The following DERL3 variants were observed in gnomAD, a reference collection of about 807,000 sequenced individuals.
DERL3 encodes the protein derlin-3.
A neutral mutation model predicts 23.8 loss-of-function variants in DERL3; 20 were observed. The observed-to-expected ratio is 0.84, with a 90% CI of 0.59 to 1.22. The LOEUF (loss-of-function observed/expected upper bound fraction) is 1.22, where lower values mean the gene tolerates loss of function less well. Among genes scored for constraint, DERL3 ranks in the 50% most tolerant of loss-of-function variants. The pLI, the probability that DERL3 is intolerant of heterozygous loss-of-function variation, is 0.00. For missense variants in DERL3, 319 were observed against 304.1 expected, an observed-to-expected ratio of 1.05 and a Z score of -0.36; for synonymous variants, 145 against 132.5, an observed-to-expected ratio of 1.09 and a Z score of -0.65.
chr22:23,834,996 T>C lies in DERL3; in HGVS notation c.*1873A>G, dbSNP rs926977082. ...GTCGCCAGCCTGGGTGCAGGAGGGC[T>C]GTTCTAGCTCCAGTGGCACCCATAG... On this transcript the variant is annotated 3_prime_UTR_variant, in exon 7 of 7. Coordinates refer to ENST00000318109, the MANE Select transcript of DERL3 (RefSeq NM_001002862.3). 4 of 1,483,850 alleles carry C rather than the reference T, an allele frequency of 2.7e-6. No individual in the cohort carries two copies. In the African/African-American group the frequency reaches 5.6e-5, roughly 21 times the overall value. The allele number at this position is 1,483,850 out of a possible 1,614,324, so 91.9% of individuals were successfully genotyped here. A position where few individuals can be genotyped will look rare whatever the true frequency, so the allele number is the denominator to read the frequency against.
Position 23,834,749 on chromosome 22 carries a change from A to G in DERL3, c.*2120T>C. On this transcript the variant is annotated 3_prime_UTR_variant, in exon 7 of 7. Transcript: ENST00000318109. ...CTCCTTCCAGACCCAGAGAGCTGAG[A>G]AGAGTAGCTGTGAGGCTCAGGGCAA... 2.0e-6 allele frequency: 3 copies of G among 1,488,650 alleles called. No individual in the cohort carries two copies. Among genetic ancestry groups the G allele is most frequent in the Non-Finnish European group, 2.7e-6 (3 of 1,122,640 alleles). 92.2% of individuals were successfully genotyped at this position (1,488,650 alleles called of 1,614,324 possible).
Position 23,835,216 on chromosome 22 carries a change from T to C in DERL3, c.*1653A>G. 1.6e-6 allele frequency: 2 copies of C among 1,234,408 alleles called. No individual in the cohort carries two copies. The highest frequency in any genetic ancestry group is 2.0e-6 in the Non-Finnish European group (2 of 987,602). The allele number at this position is 1,234,408 out of a possible 1,614,324, so 76.5% of individuals were successfully genotyped here. On this transcript the variant is annotated 3_prime_UTR_variant, in exon 7 of 7. Transcript: ENST00000318109. Reference sequence around the variant, plus strand: ...CTGCCTCCAAGGAGTTCATGTCCCCTCTGTTCTCATCTGTAATAGGGAGGT... The same window carrying C: ...CTGCCTCCAAGGAGTTCATGTCCCCCCTGTTCTCATCTGTAATAGGGAGGT...
Position 23,838,692 on chromosome 22 carries a change from C to A in DERL3, c.159+19G>T. On this transcript the variant is annotated intron_variant, in intron 2 of 6. Coordinates refer to ENST00000318109, the MANE Select transcript of DERL3 (RefSeq NM_001002862.3). ...TGGGTGGGTCGGGCCCACAGGTGCG[C>A]GGCGCGGGGCGGCCTCACCTGGAAC... 6.5e-7 allele frequency: 1 copy of A among 1,547,546 alleles called. No homozygotes were observed. The highest frequency in any genetic ancestry group is 8.7e-7 in the Non-Finnish European group (1 of 1,145,268).
rs562806647 is a variant in DERL3, at chr22:23,838,263, T to G, written c.327+89A>C. 4.1e-4 allele frequency: 637 copies of G among 1,551,916 alleles called. 2 individuals carry two copies. In the African/African-American group the frequency reaches 8.2e-3, roughly 20 times the overall value. ...GCTGGAGACAGCGACTGTGTCCCTC[T>G]CTGGCATGGCTGTGTTGGCCCCAGG... On this transcript the variant is annotated intron_variant, in intron 4 of 6. Transcript: ENST00000318109.
Position 23,835,745 on chromosome 22 carries a change from A to G in DERL3, c.*1124T>C, listed in dbSNP as rs1442275978. On this transcript the variant is annotated 3_prime_UTR_variant, in exon 7 of 7. Coordinates refer to ENST00000318109, the MANE Select transcript of DERL3 (RefSeq NM_001002862.3). ...TGTCCATGAGGTAGGAACCTCGGCA[A>G]TGAAAGGGTGAGGCAGCCCTGTGTC... 6.1e-6 allele frequency: 6 copies of G among 985,362 alleles called. No homozygotes were observed. In the African/African-American group the frequency reaches 8.7e-5, roughly 14 times the overall value. 61.0% of individuals were successfully genotyped at this position (985,362 alleles called of 1,614,324 possible).
Position 23,834,884 on chromosome 22 carries a change from C to A in DERL3, c.*1985G>T, listed in dbSNP as rs1334823805. 6.2e-7 allele frequency: 1 copy of A among 1,612,484 alleles called. No homozygotes were observed. On this transcript the variant is annotated 3_prime_UTR_variant, in exon 7 of 7. Transcript: ENST00000318109. ...CTGGGCCGCCCTGGCTCTGCTGTGT[C>A]CAGATGGTCAGGCTACTGCCAGCTG...
At position 23,835,716 on chromosome 22, in the gene DERL3, G is replaced by A; in HGVS notation, c.*1153C>T. On this transcript the variant is annotated 3_prime_UTR_variant, in exon 7 of 7. Transcript: ENST00000318109. ...AACAGGTTTCATTGCTGAGGTGTTT[G>A]TTCTGTCCATGAGGTAGGAACCTCG... 8.1e-6 allele frequency: 8 copies of A among 985,504 alleles called. No individual in the cohort carries two copies. Among genetic ancestry groups the A allele is most frequent in the Non-Finnish European group, 9.6e-6 (8 of 829,952 alleles). The allele number at this position is 985,504 out of a possible 1,614,324, so 61.0% of individuals were successfully genotyped here.
chr22:23,835,153 T>A lies in DERL3; in HGVS notation c.*1716A>T. 1.5e-6 allele frequency: 2 copies of A among 1,325,916 alleles called. No individual in the cohort carries two copies. The highest frequency in any genetic ancestry group is 1.9e-6 in the Non-Finnish European group (2 of 1,041,240). 82.1% of individuals were successfully genotyped at this position (1,325,916 alleles called of 1,614,324 possible). ...GTGCCAGCTCTTGGAGTTGACACGG[T>A]ACAGGGAGGAGACACAGCCCAGGGT... On this transcript the variant is annotated 3_prime_UTR_variant, in exon 7 of 7. Coordinates refer to ENST00000318109, the MANE Select transcript of DERL3 (RefSeq NM_001002862.3).
rs1259034025 is a variant in DERL3, at chr22:23,838,876, G to T, written c.93+19C>A. ...AGAGGCTGTAACCAAGGCGACGTCC[G>T]GTCCGCCCGGCCGCTTACCACCGCG... On this transcript the variant is annotated intron_variant, in intron 1 of 6. Coordinates refer to ENST00000318109, the MANE Select transcript of DERL3 (RefSeq NM_001002862.3). The T allele has an allele frequency of 6.4e-7, 1 of 1,553,252 alleles. No individual in the cohort carries two copies. Among genetic ancestry groups the T allele is most frequent in the Non-Finnish European group, 8.7e-7 (1 of 1,148,124 alleles).
rs2146055203 is a variant in DERL3 at position 23,836,025 on chromosome 22, A to G, written c.*844T>C. ...ACTGAGCATCCAGAAATAAACCACA[A>G]CATGGACAGGCTTAGAACAACAAGG... On this transcript the variant is annotated 3_prime_UTR_variant, in exon 7 of 7. Transcript: ENST00000318109. 1.0e-6 allele frequency: 1 copy of G among 985,484 alleles called. No individual in the cohort carries two copies. The highest frequency in any genetic ancestry group is 1.7e-5 in the African/African-American group (1 of 57,356). 61.0% of individuals were successfully genotyped at this position (985,484 alleles called of 1,614,324 possible).
In DERL3 at chr22:23,834,793, G is replaced by T; in HGVS notation, c.*2076C>A. ...AGGGCAAGAGGCTCTCTGCCTTTCA[G>T]GAACAGCCCTAACCCTGCTCCCCTT... On this transcript the variant is annotated 3_prime_UTR_variant, in exon 7 of 7. Coordinates refer to ENST00000318109, the MANE Select transcript of DERL3 (RefSeq NM_001002862.3). 6.3e-7 allele frequency: 1 copy of T among 1,587,886 alleles called. No individual in the cohort carries two copies. Among genetic ancestry groups the T allele is most frequent in the Non-Finnish European group, 8.6e-7 (1 of 1,168,680 alleles).
In DERL3 at chr22:23,836,927, T is replaced by C. The variant is rs1190428960; in HGVS notation, c.650A>G (p.Asn217Ser). The C allele has an allele frequency of 3.2e-6, 5 of 1,555,562 alleles. No homozygotes were observed. Among genetic ancestry groups the C allele is most frequent in the African/African-American group, 2.7e-5 (2 of 73,102 alleles). The change falls in exon 7 of 7, where the codon AAT becomes AGT. Residue 217 changes from asparagine to serine, a missense_variant. Coordinates refer to ENST00000318109, the MANE Select transcript of DERL3 (RefSeq NM_001002862.3). ...CTGTTCCTCAGGGAGGGGCAGGTAA[T>C]TGGGGTCTTCTGCAGGGGCATCCAG... Reference protein sequence around the residue: ...LLLDAPAEDPNYLPLPEEQPG... With the variant: ...LLLDAPAEDPSYLPLPEEQPG...
In DERL3 at chr22:23,837,591, G is replaced by A. The variant is rs539691241; in HGVS notation, c.523+68C>T. On this transcript the variant is annotated intron_variant, in intron 5 of 6. Transcript: ENST00000318109. ...CAGCAAGGATGGGAGAGGGGCCCCA[G>A]GGCATAAGCAGCGTGTCCTGAGGGG... The A allele has an allele frequency of 3.9e-6, 6 of 1,524,710 alleles. No individual in the cohort carries two copies. The East Asian group carries it at 1.4e-4, about 35-fold the overall frequency. 94.4% of individuals were successfully genotyped at this position (1,524,710 alleles called of 1,614,324 possible).
chr22:23,838,233 A>G, intron 4 of DERL3, 119 bp downstream of exon 4: 1 of 1,550,330 alleles, frequency 6.5e-7, no homozygotes, highest in Non-Finnish European at 8.7e-7. Context: ...CTCAACACAT[A>G]CTAAGCTGGA....
At position 23,835,223 on chromosome 22, in the gene DERL3, T is replaced by C; in HGVS notation, c.*1646A>G. On this transcript the variant is annotated 3_prime_UTR_variant, in exon 7 of 7. Coordinates refer to ENST00000318109, the MANE Select transcript of DERL3 (RefSeq NM_001002862.3). ...CAAGGAGTTCATGTCCCCTCTGTTC[T>C]CATCTGTAATAGGGAGGTGTCCCCA... is the stretch of plus-strand genomic sequence containing the variant. The C allele has an allele frequency of 8.2e-7, 1 of 1,222,474 alleles. No homozygotes were observed. The highest frequency in any genetic ancestry group is 3.6e-5 in the East Asian group (1 of 28,038). 75.7% of individuals were successfully genotyped at this position (1,222,474 alleles called of 1,614,324 possible). A position where few individuals can be genotyped will look rare whatever the true frequency, so the allele number is the denominator to read the frequency against.
In DERL3 at chr22:23,835,985, A is replaced by G; in HGVS notation, c.*884T>C. The stretch of plus-strand genomic sequence containing the variant: ...CATGAAAATGACAACCTGTCTTTGG[A>G]GGAGGCCCCGTGCCACTGAGCATCC... On this transcript the variant is annotated 3_prime_UTR_variant, in exon 7 of 7. Coordinates refer to ENST00000318109, the MANE Select transcript of DERL3 (RefSeq NM_001002862.3). The G allele has an allele frequency of 1.0e-6, 1 of 985,510 alleles. No homozygotes were observed. The highest frequency in any genetic ancestry group is 1.2e-6 in the Non-Finnish European group (1 of 829,952). The allele number at this position is 985,510 out of a possible 1,614,324, so 61.0% of individuals were successfully genotyped here. A position where few individuals can be genotyped will look rare whatever the true frequency, so the allele number is the denominator to read the frequency against.
intron 5 of DERL3, chr22:23,837,390 A>G: frequency 1.5e-6 from 1 of 653,670 alleles, no homozygotes; most frequent in Non-Finnish European, 2.6e-6. Context: ...GAGGAGTGGG[A>G]GCCATGGGGC....
In DERL3 at chr22:23,836,210, A is replaced by G. The variant is rs2031034970; in HGVS notation, c.*659T>C. On this transcript the variant is annotated 3_prime_UTR_variant, in exon 7 of 7. Transcript: ENST00000318109. Reference sequence around the variant, plus strand: ...GAAAACTTAGGCTCTGAGGTCATAGAAAGGGCAGAAGACCTAGTCCTGGCC... The same window carrying G: ...GAAAACTTAGGCTCTGAGGTCATAGGAAGGGCAGAAGACCTAGTCCTGGCC... The G allele has an allele frequency of 1.0e-6, 1 of 985,430 alleles. No homozygotes were observed. Among genetic ancestry groups the G allele is most frequent in the Non-Finnish European group, 1.2e-6 (1 of 829,930 alleles). 61.0% of individuals were successfully genotyped at this position (985,430 alleles called of 1,614,324 possible).
chr22:23,837,550 G>C, intron 5 of DERL3, 109 bp downstream of exon 5: 2 of 1,158,994 alleles, frequency 1.7e-6, no homozygotes, highest in South Asian at 2.9e-5. Flanking sequence ...GATGGAGCCA[G>C]GTGTGAGGAG....
Sources: allele counts gnomAD v4.1 joint callset, GRCh38; gene constraint gnomAD v4.1.1; transcripts MANE v1.5; gene names NCBI Gene and HGNC (gene_info 2026-07-23, HGNC 2026-07-21).